DNAI4: variants seen among roughly 807,000 people sequenced by gnomAD.
DNAI4 encodes WD repeat domain 78.
Under a neutral mutation model 105.8 loss-of-function variants are expected in DNAI4, and 85 were observed. That is an observed-to-expected ratio of 0.80 (90% CI 0.67 to 0.96). The LOEUF is 0.96. Ranked by LOEUF, DNAI4 falls within the 40% of genes least tolerant of loss-of-function variation. The pLI is 0.00. For missense variants in DNAI4, 1,014 were observed against 1,005.6 expected, an observed-to-expected ratio of 1.01 and a Z score of -0.11; for synonymous variants, 352 against 331.5, an observed-to-expected ratio of 1.06 and a Z score of -0.67.
At chr1:66,915,454 T>A (rs1039531998) in intron 1 of DNAI4, among the ~76,000 whole-genome samples, 1 of 152,218 alleles carries the variant, frequency 6.6e-6, no homozygotes, top group African/African-American at 2.4e-5. Flanking sequence ...TAACTTTAAA[T>A]CATGACTACT....
At chr1:66,842,886 G>T (rs555762458) in intron 8 of DNAI4, among the ~76,000 whole-genome samples, 1 of 152,004 alleles carries the variant, frequency 6.6e-6, no homozygotes, top group East Asian at 1.9e-4. Context: ...GTTTTAATTT[G>T]CAATTCCCTA....
At chr1:66,913,742 G>A (rs1394282337) in intron 1 of DNAI4, among the ~76,000 whole-genome samples, 2 of 152,066 alleles carry the variant, frequency 1.3e-5, no homozygotes, top group African/African-American at 4.8e-5. Flanking sequence ...CAGCACTTTG[G>A]GAGGCCGAGG....
chr1:66,874,644 G>T, intron 5 of DNAI4, 137 bp downstream of exon 5: 1 of 617,014 alleles, frequency 1.6e-6, no homozygotes. Context: ...TAATTTTGTA[G>T]GGAATATACA....
At chr1:66,887,862 G>A (rs903659602) in intron 4 of DNAI4, among the ~76,000 whole-genome samples, 2 of 152,042 alleles carry the variant, frequency 1.3e-5, no homozygotes, top group African/African-American at 4.8e-5. Flanking sequence ...GGGAGTATGA[G>A]GCAGGAGAAT....
chr1:66,827,111 G>T, intron 14 of DNAI4, 65 bp from the exon 15 acceptor site: 1 of 1,369,322 alleles, frequency 7.3e-7, no homozygotes, highest in Non-Finnish European at 1.0e-6. Flanking sequence ...AACTTGACCA[G>T]CAAATTAAAA....
intron 4 of DNAI4, among the ~76,000 whole-genome samples, chr1:66,888,413 G>A (rs985100665): frequency 3.9e-5 from 6 of 152,022 alleles, no homozygotes; most frequent in South Asian, 2.1e-4. Flanking sequence ...CACCAGCAAC[G>A]GCTGGGCGTG....
chr1:66,851,492 C>T (rs1433756220), intron 7 of DNAI4, among the ~76,000 whole-genome samples: 2 of 151,610 alleles, frequency 1.3e-5, no homozygotes, highest in African/African-American at 4.8e-5. Flanking sequence ...CTAATAACAG[C>T]AGAATACACA....
intron 15 of DNAI4, among the ~76,000 whole-genome samples, chr1:66,823,309 C>T (rs1369999375): frequency 1.6e-4 from 24 of 151,600 alleles, no homozygotes; most frequent in African/African-American, 3.9e-4. Flanking sequence ...AGTCTATCGT[C>T]GTTGGACATT....
chr1:66,842,080 A>T (rs575024472), intron 8 of DNAI4, among the ~76,000 whole-genome samples: 8 of 152,294 alleles, frequency 5.3e-5, no homozygotes, highest in African/African-American at 1.9e-4. Context: ...TCGGAATCAC[A>T]CAGTATGTGG....
At chr1:66,817,621 G>A (rs1645545133) in intron 16 of DNAI4, among the ~76,000 whole-genome samples, 1 of 151,896 alleles carries the variant, frequency 6.6e-6, no homozygotes, top group East Asian at 1.9e-4. Flanking sequence ...CTAATCAGAT[G>A]GCATTTAAAC....
intron 2 of DNAI4, among the ~76,000 whole-genome samples, chr1:66,896,376 T>C (rs1375305011): frequency 6.6e-6 from 1 of 152,260 alleles, no homozygotes; most frequent in African/African-American, 2.4e-5. Context: ...CAATAGCTTT[T>C]AATATGTTCA....
chr1:66,895,949 G>A (rs1648296965), intron 2 of DNAI4, among the ~76,000 whole-genome samples: 1 of 151,962 alleles, frequency 6.6e-6, no homozygotes, highest in African/African-American at 2.4e-5. Context: ...TGTTGTTACT[G>A]AACTTTATTG....
At chr1:66,841,165 T>G (rs762893352) in intron 8 of DNAI4, among the ~76,000 whole-genome samples, 7 of 152,238 alleles carry the variant, frequency 4.6e-5, no homozygotes, top group East Asian at 1.9e-4. Flanking sequence ...TCCTGTTTAC[T>G]AAGTTCAACC....
intron 4 of DNAI4, among the ~76,000 whole-genome samples, chr1:66,887,971 C>T (rs1464313967): frequency 6.6e-6 from 1 of 151,800 alleles, no homozygotes; most frequent in Non-Finnish European, 1.5e-5. Context: ...AAAAAAAAAT[C>T]TACTACTACC....
At chr1:66,908,029 A>T (rs1163856149) in intron 1 of DNAI4, among the ~76,000 whole-genome samples, 1 of 152,172 alleles carries the variant, frequency 6.6e-6, no homozygotes, top group Non-Finnish European at 1.5e-5. Flanking sequence ...ATAGTTAATT[A>T]TTATAATCAT....
chr1:66,877,651 C>T (rs957557127), intron 4 of DNAI4, among the ~76,000 whole-genome samples: 4 of 152,030 alleles, frequency 2.6e-5, no homozygotes, highest in African/African-American at 7.2e-5. Context: ...TTCTAATTTC[C>T]TTAAATTTAA....
rs148734945 is a variant in DNAI4 at position 66,814,152 on chromosome 1, G to A, written c.2525C>T (p.Ser842Phe). ...GAATTATGCTGATTGGTTTGACTTG[G>A]ATCCAAGCAAAGTATCCATTATATC... Reference protein sequence around the residue: ...RGDIMDTLLGSKSNQSA With the variant: ...RGDIMDTLLGFKSNQSA The change falls in exon 17 of 17, where the codon TCC (serine) becomes TTC (phenylalanine). Residue 842 changes from serine (S) to phenylalanine (F), a missense_variant. Transcript: ENST00000371026. The A allele has an allele frequency of 2.3e-3, 3,720 of 1,590,118 alleles. 6 individuals carry two copies. The highest frequency in any genetic ancestry group is 7.0e-3 in the Middle Eastern group (42 of 6,006).
chr1:66,817,917 T>C (rs144291067), intron 16 of DNAI4, among the ~76,000 whole-genome samples: 7 of 152,192 alleles, frequency 4.6e-5, no homozygotes, highest in African/African-American at 9.6e-5. Flanking sequence ...AATGTCAGGC[T>C]TCATTCCCTG....
chr1:66,871,821 G>A (rs1377813009), intron 5 of DNAI4, among the ~76,000 whole-genome samples: 2 of 152,112 alleles, frequency 1.3e-5, no homozygotes, highest in Non-Finnish European at 2.9e-5. Context: ...TGACCCATGA[G>A]GAATTTAGAA....
Sources: allele counts gnomAD v4.1 joint callset (sites outside exome capture counted in the v4.1 genomes callset), GRCh38; gene constraint gnomAD v4.1.1; transcripts MANE v1.5; gene names NCBI Gene and HGNC (gene_info 2026-07-23, HGNC 2026-07-21).